The following OIP5 variants were observed in gnomAD, a reference collection of about 807,000 sequenced individuals.
The protein encoded by OIP5 is Opa interacting protein 5, also known as protein Mis18-beta.
In OIP5, 24 loss-of-function variants were observed where a neutral mutation model predicts 20.3. That is an observed-to-expected ratio of 1.18 (90% CI 0.86 to 1.66). The LOEUF (loss-of-function observed/expected upper bound fraction) is 1.66. Among genes scored for constraint, OIP5 ranks in the 40% most tolerant of loss-of-function variants. The pLI is 0.00. For missense variants in OIP5, 339 were observed against 289.5 expected (o/e 1.17, Z -1.24); for synonymous variants, 143 against 121.3 (o/e 1.18, Z -1.17).
chr15:41,324,036 G>T (rs2047846557), intron 2 of OIP5, among the ~76,000 whole-genome samples: 1 of 141,952 alleles, frequency 7.0e-6, no homozygotes, highest in African/African-American at 2.7e-5. Flanking sequence ...CACCCACCCA[G>T]GCTGGAGTGT....
chr15:41,321,122 G>A (rs1356953848), intron 2 of OIP5, among the ~76,000 whole-genome samples: 11 of 151,190 alleles, frequency 7.3e-5, no homozygotes, highest in South Asian at 2.1e-4. Context: ...GAGCGTCTCC[G>A]CCCGGCAGCC....
In OIP5 at chr15:41,332,565, C is replaced by A. The variant is rs751909988; in HGVS notation, c.-4G>T. On this transcript the variant is annotated 5_prime_UTR_variant, in exon 1 of 5. Transcript: ENST00000220514. ...GCCGCAGCGGCTGAGCCGCCATCTT[C>A]CCGCAGCCGGCGCCTTCCTTTCGAA... is the stretch of plus-strand genomic sequence containing the variant. 1.3e-6 allele frequency: 2 copies of A among 1,594,590 alleles called. No individual in the cohort carries two copies. The highest frequency in any genetic ancestry group is 1.7e-6 in the Non-Finnish European group (2 of 1,171,282).
rs1567031062 is a variant in OIP5 at position 41,332,504 on chromosome 15, AGT to A, written c.56_57del (p.Asp19ValfsTer6). The A allele has an allele frequency of 1.2e-6, 2 of 1,613,876 alleles. No homozygotes were observed. Among genetic ancestry groups the A allele is most frequent in the South Asian group, 2.2e-5 (2 of 91,078 alleles). ...RSRCATPPRG[D>X]FCGGTERAID... ...ATCGCCCTCTCAGTGCCACCACAAA[AGT>A]CCCCCCGGGGCGGCGTTGCACAACG... On this transcript the variant is annotated frameshift_variant, in exon 1 of 5. Coordinates refer to ENST00000220514, the MANE Select transcript of OIP5 (RefSeq NM_007280.2). LOFTEE classifies it high-confidence loss of function.
Position 41,332,443 on chromosome 15 carries a change from T to A in OIP5, c.119A>T (p.Asp40Val). Residue 40 changes from aspartate to valine, a missense_variant, in exon 1 of 5, where the codon GAT (aspartate) becomes GTT (valine). Asp to Val is a radical substitution (Grantham distance 152). Coordinates refer to ENST00000220514, the MANE Select transcript of OIP5 (RefSeq NM_007280.2). The part of the protein sequence containing the change: ...QASFTTSMEW[D>V]TQVVKGSSPL... The stretch of plus-strand genomic sequence containing the variant: ...CGAGGACCCCTTCACCACCTGCGTA[T>A]CCCACTCCATGGAGGTCGTAAAAGA... 6.2e-7 allele frequency: 1 copy of A among 1,614,030 alleles called. No homozygotes were observed. The highest frequency in any genetic ancestry group is 8.5e-7 in the Non-Finnish European group (1 of 1,179,930).
At position 41,332,576 on chromosome 15, in the gene OIP5, C is replaced by T. The variant is rs767573466; in HGVS notation, c.-15G>A. ...TGAGCCGCCATCTTCCCGCAGCCGG[C>T]GCCTTCCTTTCGAATACACGCCAGG... On this transcript the variant is annotated 5_prime_UTR_variant, in exon 1 of 5. Coordinates refer to ENST00000220514, the MANE Select transcript of OIP5 (RefSeq NM_007280.2). 2 of 1,587,760 alleles carry T rather than the reference C, an allele frequency of 1.3e-6. No individual in the cohort carries two copies. The highest frequency in any genetic ancestry group is 2.3e-5 in the South Asian group (2 of 86,580).
At chr15:41,310,115 C>T (rs573662575) in intron 4 of OIP5, among the ~76,000 whole-genome samples, 140 of 152,194 alleles carry the variant, frequency 9.2e-4, no homozygotes, top group African/African-American at 3.3e-3. Flanking sequence ...AGTCAGTGAT[C>T]CTCCCAAAGT....
chr15:41,323,472 A>G (rs1438071339), intron 2 of OIP5, among the ~76,000 whole-genome samples: 1 of 152,118 alleles, frequency 6.6e-6, no homozygotes, highest in Non-Finnish European at 1.5e-5. Context: ...ATAGCCCCTA[A>G]CAAGAAAGCC....
chr15:41,313,736 ATACTTT>A (rs2047773328), intron 3 of OIP5, among the ~76,000 whole-genome samples: 1 of 152,168 alleles, frequency 6.6e-6, no homozygotes, highest in Admixed American at 6.6e-5. Context: ...TATAAAATAT[ATACTTT>A]TATACTTTAA....
intron 2 of OIP5, among the ~76,000 whole-genome samples, chr15:41,321,441 G>C (rs2047827446): frequency 6.6e-6 from 1 of 152,260 alleles, no homozygotes; most frequent in African/African-American, 2.4e-5. Flanking sequence ...AGCTCATTGA[G>C]AATGGGCCAT....
intron 2 of OIP5, among the ~76,000 whole-genome samples, chr15:41,328,490 T>C (rs1165995744): frequency 1.3e-5 from 2 of 152,340 alleles, no homozygotes; most frequent in South Asian, 2.1e-4. Context: ...AAATATGCTG[T>C]TGAGCACAAC....
rs367869608 is a variant in OIP5 at position 41,332,370 on chromosome 15, C to A, written c.192G>T (p.Pro64=). 18 of 1,612,084 alleles carry A rather than the reference C, an allele frequency of 1.1e-5. No individual in the cohort carries two copies. Among genetic ancestry groups the A allele is most frequent in the Admixed American group, 5.0e-5 (3 of 59,854 alleles). ...GLGAEEPAAG[P]QLPSWLQPER... ...CAGGCTGCAGCCAAGACGGCAGCTG[C>A]GGGCCGGCGGCTGGCTCCTCAGCCC... The change falls in exon 1 of 5, where the codon CCG becomes CCT. Residue 64 remains proline (P), a synonymous_variant. Coordinates refer to ENST00000220514, the MANE Select transcript of OIP5 (RefSeq NM_007280.2).
chr15:41,310,583 C>T (rs895692211), intron 4 of OIP5, among the ~76,000 whole-genome samples: 2 of 149,880 alleles, frequency 1.3e-5, no homozygotes, highest in Non-Finnish European at 3.0e-5. Flanking sequence ...GAGCCAAGAT[C>T]GTGCCACTGC....
At chr15:41,323,783 G>A (rs767512098) in intron 2 of OIP5, among the ~76,000 whole-genome samples, 3 of 151,934 alleles carry the variant, frequency 2.0e-5, no homozygotes, top group African/African-American at 7.3e-5. Context: ...TTTGAAGCCA[G>A]GTAATGACTT....
intron 2 of OIP5, among the ~76,000 whole-genome samples, chr15:41,331,283 A>G (rs1337274688): frequency 2.0e-5 from 3 of 152,260 alleles, no homozygotes; most frequent in South Asian, 2.1e-4. Context: ...ATTCAAGTAC[A>G]TAACATTCTA....
intron 4 of OIP5, among the ~76,000 whole-genome samples, chr15:41,311,265 C>T (rs898830852): frequency 6.6e-6 from 1 of 152,158 alleles, no homozygotes; most frequent in Non-Finnish European, 1.5e-5. Flanking sequence ...CCTGTAGTCC[C>T]AGGTACTCAG....
intron 2 of OIP5, among the ~76,000 whole-genome samples, chr15:41,326,203 T>C (rs1234824778): frequency 6.6e-6 from 1 of 152,144 alleles, no homozygotes; most frequent in East Asian, 1.9e-4. Flanking sequence ...GCAAGTGCAG[T>C]AAAACACAGT....
At chr15:41,326,888 G>A (rs908105631) in intron 2 of OIP5, among the ~76,000 whole-genome samples, 2 of 152,036 alleles carry the variant, frequency 1.3e-5, no homozygotes, top group African/African-American at 4.8e-5. Context: ...ATTATAGGAG[G>A]AAAATACTTC....
chr15:41,330,756 A>T (rs2047895363), intron 2 of OIP5, among the ~76,000 whole-genome samples: 1 of 152,172 alleles, frequency 6.6e-6, no homozygotes, highest in African/African-American at 2.4e-5. Context: ...TTTGAAATCC[A>T]GTGTGTATTC....
chr15:41,331,153 T>C (rs993913493), intron 2 of OIP5, among the ~76,000 whole-genome samples: 56 of 152,206 alleles, frequency 3.7e-4, no homozygotes, highest in African/African-American at 1.3e-3. Flanking sequence ...ATGAAATGAA[T>C]TGTCTCAATG....
Sources: gnomAD v4.1 joint callset for allele counts (sites outside exome capture counted in the v4.1 genomes callset) on GRCh38, gnomAD v4.1.1 for gene constraint, MANE v1.5 for transcripts, NCBI Gene and HGNC (gene_info 2026-07-23, HGNC 2026-07-21) for gene names.